Variants in PLK4 observed in about 807,000 individuals in gnomAD.
PLK4 encodes serine/threonine-protein kinase PLK4.
PLK4 carries 51 observed loss-of-function variants against 103.0 expected under a neutral mutation model. The ratio of observed to expected loss-of-function variants is 0.50; its 90% CI spans 0.40 to 0.63. PLK4 has a LOEUF of 0.63. PLK4 is among the 20% of genes least tolerant of loss of function. PLK4 has a pLI of 0.00. For synonymous variants in PLK4, 389 were observed against 376.8 expected, an observed-to-expected ratio of 1.03 and a Z score of -0.38; for missense variants, 1,054 against 1,151.0, an observed-to-expected ratio of 0.92 and a Z score of 1.22.
intron 4 of PLK4, 97 bp downstream of exon 4, chr4:127,883,650 A>G (rs1198097603): frequency 1.9e-6 from 1 of 540,246 alleles, no homozygotes; most frequent in Non-Finnish European, 3.3e-6. Flanking sequence ...TATAATATAT[A>G]GTAAAACTGT....
At chr4:127,889,681 A>G (rs1735273977) in intron 6 of PLK4, among the ~76,000 whole-genome samples, 185 bp from the exon 7 acceptor site, 1 of 152,202 alleles carries the variant, frequency 6.6e-6, no homozygotes, top group African/African-American at 2.4e-5. Context: ...CTGGTTTAAA[A>G]TGTTCTTTCA....
In PLK4 at chr4:127,885,727, G is replaced by C. The variant is rs1735096706; in HGVS notation, c.357G>C (p.Gln119His). ...SENEARHFMH[Q>H]IITGMLYLHS... ...TAACAGCTCGACACTTCATGCACCAGATCATCACAGGGATGTTGTATCTTC... is the reference window on the plus strand; with the variant it reads ...TAACAGCTCGACACTTCATGCACCACATCATCACAGGGATGTTGTATCTTC... The change falls in exon 5 of 16, where the codon CAG becomes CAC. Residue 119 changes from glutamine to histidine, a missense_variant. Gln to His is a conservative substitution (Grantham distance 24). Around this residue, in one of 4 missense-constraint regions of PLK4, gnomAD observed 199 missense variants for 270.1 expected, o/e 0.74. Transcript: ENST00000270861. 2 of 1,610,858 alleles carry C rather than the reference G, an allele frequency of 1.2e-6. No homozygotes were observed. Among genetic ancestry groups the C allele is most frequent in the Non-Finnish European group, 1.7e-6 (2 of 1,178,422 alleles).
Position 127,881,757 on chromosome 4 carries a change from T to C in PLK4, c.31-74T>C, listed in dbSNP as rs982439572. ...ATTCCCCACTCGATCCATTTTATCT[T>C]CTTTTTCCAGCCCCTTCCCATCTTC... On this transcript the variant is annotated intron_variant, in intron 1 of 15. Transcript: ENST00000270861. The C allele has an allele frequency of 3.9e-5, 35 of 905,112 alleles. 1 individual carries two copies. In the African/African-American group the frequency reaches 5.0e-4, roughly 13 times the overall value. 56.1% of individuals were successfully genotyped at this position (905,112 alleles called of 1,614,324 possible).
In PLK4 at chr4:127,890,237, G is replaced by A. The variant is rs1735304403; in HGVS notation, c.1830+1G>A. The A allele has an allele frequency of 6.3e-7, 1 of 1,587,274 alleles. No homozygotes were observed. Among genetic ancestry groups the A allele is most frequent in the Non-Finnish European group, 8.6e-7 (1 of 1,167,616 alleles). The stretch of plus-strand genomic sequence containing the variant: ...CAGACAGAAAACCAAAAAGGCTGTG[G>A]TATGTCTGTTATCTTCTTAAGTTAC... On this transcript the variant is annotated splice_donor_variant, in intron 7 of 15. Transcript: ENST00000270861. LOFTEE classifies it high-confidence loss of function.
At position 127,891,629 on chromosome 4, in the gene PLK4, A is replaced by G. The variant is rs1735363518; in HGVS notation, c.1986A>G (p.Arg662=). Residue 662 remains arginine, a synonymous_variant, in exon 9 of 16, where the codon AGA becomes AGG. Coordinates refer to ENST00000270861, the MANE Select transcript of PLK4 (RefSeq NM_014264.5). ...GTAGAGGTTTTCCTCTTGCTGATAG[A>G]CCACCCTCACCTACTGACAACATCA... The part of the protein sequence containing the change: ...NGGRGFPLAD[R]PPSPTDNISR... The G allele has an allele frequency of 6.4e-7, 1 of 1,557,752 alleles. No individual in the cohort carries two copies. Among genetic ancestry groups the G allele is most frequent in the Non-Finnish European group, 8.7e-7 (1 of 1,146,300 alleles).
In PLK4 at chr4:127,881,901, C is replaced by G. The variant is rs774885670; in HGVS notation, c.101C>G (p.Thr34Ser). The G allele has an allele frequency of 1.9e-6, 3 of 1,601,384 alleles. No homozygotes were observed. Among genetic ancestry groups the G allele is most frequent in the East Asian group, 2.2e-5 (1 of 44,814 alleles). The change falls in exon 2 of 16, where the codon ACT becomes AGT. Residue 34 changes from threonine to serine, a missense_variant. Physicochemically the swap from Thr to Ser is moderately conservative, Grantham distance 58. Transcript: ENST00000270861. ...AGVYRAESIHTGLEVAIKMID... is the reference protein window; with the variant it reads ...AGVYRAESIHSGLEVAIKMID... Reference sequence around the variant, plus strand: ...GTCTACAGAGCTGAGTCCATTCACACTGGTTTGGAAGTTGCAATCAAAATG... The same window carrying G: ...GTCTACAGAGCTGAGTCCATTCACAGTGGTTTGGAAGTTGCAATCAAAATG...
At chr4:127,890,561 ATAT>A (rs1230180851) in intron 7 of PLK4, among the ~76,000 whole-genome samples, 12 of 152,170 alleles carry the variant, frequency 7.9e-5, no homozygotes, top group African/African-American at 2.4e-4. Flanking sequence ...CAGTGAGCTA[ATAT>A]TATCCTTTGC....
Position 127,891,187 on chromosome 4 carries a change from T to C in PLK4, c.1926T>C (p.Asp642=). The change falls in exon 8 of 16, where the codon GAT becomes GAC. Residue 642 remains aspartate, a synonymous_variant. Coordinates refer to ENST00000270861, the MANE Select transcript of PLK4 (RefSeq NM_014264.5). ...AAGAAGTTCTTCAGATATCTAGTGA[T>C]GGAAATACGGTAATGTGTAGTTACT... ...YVKEVLQISS[D]GNTITIYYPN... 1 of 1,502,092 alleles carries C rather than the reference T, an allele frequency of 6.7e-7. No individual in the cohort carries two copies. The highest frequency in any genetic ancestry group is 9.2e-7 in the Non-Finnish European group (1 of 1,083,906). The allele number at this position is 1,502,092 out of a possible 1,614,324, so 93.0% of individuals were successfully genotyped here.
chr4:127,897,790 G>T (rs1231314765), intron 15 of PLK4, among the ~76,000 whole-genome samples: 4 of 93,688 alleles, frequency 4.3e-5, no homozygotes, highest in African/African-American at 1.6e-4. Context: ...TATTCATAAT[G>T]TGTTTAGCTT....
chr4:127,889,032 A>G lies in PLK4; in HGVS notation c.1460-834A>G, dbSNP rs529538102. Among the ~76,000 whole-genome samples, 18 of 152,286 alleles carry G rather than the reference A, an allele frequency of 1.2e-4. No homozygotes were observed. The South Asian group carries it at 3.7e-3, about 32-fold the overall frequency. ...TTTACAGATACTTATATTTAGTAAC[A>G]CAGACTTGTCTGAGATGGAGAAATA... On this transcript the variant is annotated intron_variant, in intron 6 of 15. Transcript: ENST00000270861.
Position 127,885,989 on chromosome 4 carries a change from G to A in PLK4, c.619G>A (p.Gly207Arg), listed in dbSNP as rs370469799. 2.0e-5 allele frequency: 33 copies of A among 1,614,034 alleles called. No individual in the cohort carries two copies. The highest frequency in any genetic ancestry group is 6.7e-5 in the Admixed American group (4 of 60,018). The stretch of plus-strand genomic sequence containing the variant: ...CTGTATGTTTTATACATTACTTATC[G>A]GGAGACCACCCTTCGACACTGACAC... The part of the protein sequence containing the change: ...LGCMFYTLLI[G>R]RPPFDTDTVK... The change falls in exon 5 of 16, where the codon GGG (glycine) becomes AGG (arginine). Residue 207 changes from glycine to arginine, a missense_variant. Physicochemically the swap from Gly to Arg is moderately radical, Grantham distance 125. Around this residue, in one of 4 missense-constraint regions of PLK4, gnomAD observed 199 missense variants for 270.1 expected, o/e 0.74. Transcript: ENST00000270861.
In PLK4 at chr4:127,896,941, C is replaced by G. The variant is rs376343906; in HGVS notation, c.2810+34C>G. The stretch of plus-strand genomic sequence containing the variant: ...TTAAAATACTGGTCGAGATTCAGCC[C>G]TTTGCTATAATTTCTCTTTCTCTAT... On this transcript the variant is annotated intron_variant, in intron 15 of 15. Coordinates refer to ENST00000270861, the MANE Select transcript of PLK4 (RefSeq NM_014264.5). The G allele has an allele frequency of 2.0e-5, 22 of 1,100,756 alleles. No homozygotes were observed. In the African/African-American group the frequency reaches 3.1e-4, roughly 16 times the overall value. The allele number at this position is 1,100,756 out of a possible 1,614,324, so 68.2% of individuals were successfully genotyped here. A position where few individuals can be genotyped will look rare whatever the true frequency, so the allele number is the denominator to read the frequency against.
chr4:127,888,237 G>A (rs1369859459), intron 6 of PLK4, among the ~76,000 whole-genome samples: 2 of 95,180 alleles, frequency 2.1e-5, no homozygotes, highest in Non-Finnish European at 4.1e-5. Flanking sequence ...TCTCAATAAA[G>A]CTCTGTTACA....
Position 127,881,053 on chromosome 4 carries a change from C to A in PLK4, c.-82C>A. On this transcript the variant is annotated 5_prime_UTR_variant, in exon 1 of 16. Transcript: ENST00000270861. ...GAGCCGAGCCTGATGGGCGCCAAGG[C>A]CGGCTGGCTGCTTGGAGCGCTGCCT... 1 of 1,529,968 alleles carries A rather than the reference C, an allele frequency of 6.5e-7. No homozygotes were observed. The allele number at this position is 1,529,968 out of a possible 1,614,324, so 94.8% of individuals were successfully genotyped here.
intron 1 of PLK4, 36 bp from the exon 2 acceptor site, chr4:127,881,795 A>T: frequency 8.5e-7 from 1 of 1,173,494 alleles, no homozygotes; most frequent in Non-Finnish European, 1.3e-6. Flanking sequence ...TTCTACTGTG[A>T]GTCATCACAC....
chr4:127,896,902 A>C lies in PLK4; in HGVS notation c.2805A>C (p.Thr935=). 1 of 1,566,626 alleles carries C rather than the reference A, an allele frequency of 6.4e-7. No homozygotes were observed. Among genetic ancestry groups the C allele is most frequent in the East Asian group, 2.2e-5 (1 of 44,588 alleles). ...SISYTSPNGQ[T]TRYGENEKLP... Reference sequence around the variant, plus strand: ...GTTATACCTCACCAAATGGTCAAACAACTAGGTAAGTTCTTAAAATACTGG... The same window carrying C: ...GTTATACCTCACCAAATGGTCAAACCACTAGGTAAGTTCTTAAAATACTGG... The change falls in exon 15 of 16, where the codon ACA becomes ACC. Residue 935 remains threonine (T), a synonymous_variant. Coordinates refer to ENST00000270861, the MANE Select transcript of PLK4 (RefSeq NM_014264.5).
intron 9 of PLK4, 197 bp from the exon 10 acceptor site, chr4:127,892,168 T>G: frequency 2.6e-6 from 1 of 382,522 alleles, no homozygotes; most frequent in Non-Finnish European, 4.6e-6. Flanking sequence ...GTTAACCAAA[T>G]TTGACTCCCA....
chr4:127,891,560 TA>T lies in PLK4; in HGVS notation c.1936-12del. ...ACTTAATGGCATGTAATTAGAATTT[TA>T]AAAAAATCTTTTGGCAGATCACTAT... On this transcript the variant is annotated intron_variant, in intron 8 of 15. Transcript: ENST00000270861. 3 of 1,228,920 alleles carry T rather than the reference TA, an allele frequency of 2.4e-6. No individual in the cohort carries two copies. The highest frequency in any genetic ancestry group is 3.4e-6 in the Non-Finnish European group (3 of 875,198). 76.1% of individuals were successfully genotyped at this position (1,228,920 alleles called of 1,614,324 possible).
intron 2 of PLK4, among the ~76,000 whole-genome samples, chr4:127,883,011 A>G (rs879671869): frequency 1.3e-5 from 2 of 151,904 alleles, no homozygotes; most frequent in Non-Finnish European, 1.5e-5. Context: ...TTTTCTTAAT[A>G]GTTAGGCTAG....
Sources: gnomAD v4.1 joint callset for allele counts (sites outside exome capture counted in the v4.1 genomes callset) on GRCh38, gnomAD v4.1.1 for gene constraint, gnomAD v4.1.1 regional missense constraint, MANE v1.5 for transcripts, NCBI Gene and HGNC (gene_info 2026-07-23, HGNC 2026-07-21) for gene names.